Variants in C12orf54 observed in about 807,000 individuals in gnomAD.
The protein encoded by C12orf54 is uncharacterized protein C12orf54.
A neutral mutation model predicts 26.4 loss-of-function variants in C12orf54; 24 were observed. That is an observed-to-expected ratio of 0.91 (90% CI 0.66 to 1.28). The LOEUF is 1.28. C12orf54 is among the 50% of genes most tolerant of loss of function. The pLI, the probability that C12orf54 is intolerant of heterozygous loss-of-function variation, is 0.00. For missense variants in C12orf54, 154 were observed against 150.9 expected (o/e 1.02, Z -0.11); for synonymous variants, 54 against 47.0 (o/e 1.15, Z -0.61).
At chr12:48,442,017 G>A in the C12orf54 span, 5 of 152,200 alleles carry the variant, frequency 3.3e-5, no homozygotes, top group African/African-American at 7.2e-5. Context: ...GATTTCATAA[G>A]TCTATTGAAA....
chr12:48,416,056 C>T, the C12orf54 span, among the ~76,000 whole-genome samples: 1 of 152,186 alleles, frequency 6.6e-6, no homozygotes, highest in Non-Finnish European at 1.5e-5. Flanking sequence ...AGCCCTATAA[C>T]TGTACTTCCA....
chr12:48,472,695 C>A, the C12orf54 span: 1 of 1,614,132 alleles, frequency 6.2e-7, no homozygotes, highest in South Asian at 1.1e-5. Flanking sequence ...TCATTTAGAG[C>A]TGCGGAACAG....
At chr12:48,454,099 T>G in the C12orf54 span, among the ~76,000 whole-genome samples, 4 of 57,814 alleles carry the variant, frequency 6.9e-5, no homozygotes, top group Non-Finnish European at 9.9e-5. Flanking sequence ...TTTGTTTGTT[T>G]TTTTTTTTTT....
the C12orf54 span, among the ~76,000 whole-genome samples, chr12:48,414,436 G>A: frequency 2.6e-5 from 4 of 152,220 alleles, no homozygotes; most frequent in African/African-American, 9.6e-5. Flanking sequence ...TATTCAACAT[G>A]TGTTTAGTTT....
the C12orf54 span, among the ~76,000 whole-genome samples, chr12:48,457,407 C>G: frequency 6.6e-6 from 1 of 151,960 alleles, no homozygotes; most frequent in East Asian, 1.9e-4. Context: ...GATCTCAGCT[C>G]ACTGCAACCT....
At chr12:48,435,438 C>G in the C12orf54 span, among the ~76,000 whole-genome samples, 1 of 152,094 alleles carries the variant, frequency 6.6e-6, no homozygotes, top group East Asian at 1.9e-4. Flanking sequence ...TTAAGAAGAG[C>G]AACTCCAAGA....
At chr12:48,421,512 CTTTTTTTTTTT>C in the C12orf54 span, among the ~76,000 whole-genome samples, 3 of 43,448 alleles carry the variant, frequency 6.9e-5, no homozygotes, top group South Asian at 1.6e-3. Context: ...ATATCATGTG[CTTTTTTTTTTT>C]TTTTTTTTTT....
chr12:48,423,476 T>C, the C12orf54 span, among the ~76,000 whole-genome samples: 2 of 151,952 alleles, frequency 1.3e-5, no homozygotes, highest in African/African-American at 4.8e-5. Flanking sequence ...AACCAGATGG[T>C]TCGCAAAAAG....
the C12orf54 span, chr12:48,417,383 T>C: frequency 6.6e-6 from 1 of 152,184 alleles, no homozygotes; most frequent in Non-Finnish European, 1.5e-5. Context: ...GTTTTAAAAC[T>C]TCATTTTCTG....
At chr12:48,451,743 G>T in the C12orf54 span, among the ~76,000 whole-genome samples, 3 of 152,074 alleles carry the variant, frequency 2.0e-5, no homozygotes, top group Admixed American at 2.0e-4. Flanking sequence ...ATTCACAATT[G>T]CCATAATGAA....
the C12orf54 span, chr12:48,473,257 G>A: frequency 1.9e-5 from 21 of 1,080,642 alleles, no homozygotes; most frequent in Admixed American, 1.4e-4. Context: ...GAGGAGGAAC[G>A]TGAAGAGGAG....
the C12orf54 span, among the ~76,000 whole-genome samples, chr12:48,441,076 A>G: frequency 1.3e-5 from 2 of 152,162 alleles, no homozygotes; most frequent in Admixed American, 6.5e-5. Flanking sequence ...AATAGGAATA[A>G]CTTAAGCATT....
At position 48,494,695 on chromosome 12, in the gene C12orf54, G is replaced by GA. The variant is rs910878020; in HGVS notation, c.243-102dup. Reference sequence around the variant, plus strand: ...GAGCCTGAGATGCCCATTCTTGGGGGAGTGTAATAATAGAATCTCTAAGGG... The same window carrying GA: ...GAGCCTGAGATGCCCATTCTTGGGGGAAGTGTAATAATAGAATCTCTAAGGG... On this transcript the variant is annotated intron_variant, in intron 7 of 8. Transcript: ENST00000548364. 32 of 1,235,394 alleles carry GA rather than the reference G, an allele frequency of 2.6e-5. No individual in the cohort carries two copies. In the African/African-American group the frequency reaches 3.9e-4, roughly 15 times the overall value. 76.5% of individuals were successfully genotyped at this position (1,235,394 alleles called of 1,614,324 possible).
chr12:48,461,179 G>T, the C12orf54 span, among the ~76,000 whole-genome samples: 21 of 151,928 alleles, frequency 1.4e-4, no homozygotes, highest in South Asian at 6.2e-4. Context: ...GCTAAAGAAG[G>T]TCATCTCATA....
chr12:48,472,554 T>A, the C12orf54 span: 1 of 1,298,472 alleles, frequency 7.7e-7, no homozygotes, highest in Non-Finnish European at 1.1e-6. Context: ...AAGAATTTAC[T>A]TTCGGAGAAC....
the C12orf54 span, among the ~76,000 whole-genome samples, chr12:48,461,005 T>G: frequency 6.6e-6 from 1 of 151,980 alleles, no homozygotes; most frequent in African/African-American, 2.4e-5. Context: ...GAAACCTAAC[T>G]GTATGCTGCC....
chr12:48,488,608 G>A (rs1937712724), intron 4 of C12orf54: 2 of 405,546 alleles, frequency 4.9e-6, no homozygotes, highest in Admixed American at 3.9e-5. Context: ...CTAAGCTTCA[G>A]AATAAGAACC....
At chr12:48,478,529 T>G (rs1954167263), upstream of C12orf54, among the ~76,000 whole-genome samples, 1 of 152,176 alleles carries the variant, frequency 6.6e-6, no homozygotes, top group Non-Finnish European at 1.5e-5. Flanking sequence ...CTCCTCAAGC[T>G]GATAAGCAAC....
chr12:48,456,659 G>C, the C12orf54 span, among the ~76,000 whole-genome samples: 1 of 152,160 alleles, frequency 6.6e-6, no homozygotes, highest in African/African-American at 2.4e-5. Context: ...TGTTAGGTTG[G>C]TTGTGAGGAT....
Sources: gnomAD v4.1 joint callset for allele counts (sites outside exome capture counted in the v4.1 genomes callset) on GRCh38, gnomAD v4.1.1 for gene constraint, MANE v1.5 for transcripts, NCBI Gene and HGNC (gene_info 2026-07-23, HGNC 2026-07-21) for gene names.